DNER: variants seen among roughly 807,000 people sequenced by gnomAD.
DNER encodes delta/notch like EGF repeat containing.
A neutral mutation model predicts 78.2 loss-of-function variants in DNER; 33 were observed. The ratio of observed to expected loss-of-function variants is 0.42; its 90% CI spans 0.32 to 0.56. The LOEUF (loss-of-function observed/expected upper bound fraction) is 0.56. Ranked by LOEUF, DNER falls within the 20% of genes least tolerant of loss-of-function variation. The pLI is 0.11. For synonymous variants in DNER, 417 were observed against 384.8 expected (o/e 1.08, Z -0.98); for missense variants, 918 against 975.3 (o/e 0.94, Z 0.78).
chr2:229,682,398 C>G (rs562168624), intron 1 of DNER, among the ~76,000 whole-genome samples: 1 of 152,198 alleles, frequency 6.6e-6, no homozygotes, highest in African/African-American at 2.4e-5. Flanking sequence ...GTTTGCTTCT[C>G]AAACTGTAGC....
chr2:229,687,423 C>T (rs949596468), intron 1 of DNER, among the ~76,000 whole-genome samples: 2 of 152,036 alleles, frequency 1.3e-5, no homozygotes, highest in East Asian at 1.9e-4. Flanking sequence ...ACCACCACAC[C>T]CAGCTAATTT....
chr2:229,482,184 T>C (rs1163734819), intron 6 of DNER, among the ~76,000 whole-genome samples: 3 of 152,226 alleles, frequency 2.0e-5, no homozygotes, highest in African/African-American at 7.2e-5. Context: ...CAAGCATTCG[T>C]GAACCACCTG....
chr2:229,553,049 C>T (rs1428285827), intron 4 of DNER, among the ~76,000 whole-genome samples: 4 of 152,152 alleles, frequency 2.6e-5, no homozygotes, highest in African/African-American at 9.7e-5. Context: ...GCCATCGCAT[C>T]CTAGAGGTGA....
chr2:229,451,175 C>T (rs1694448736), intron 7 of DNER, among the ~76,000 whole-genome samples: 1 of 152,028 alleles, frequency 6.6e-6, no homozygotes, highest in Non-Finnish European at 1.5e-5. Flanking sequence ...ATAACAGCAA[C>T]AGGCCAGGCG....
chr2:229,599,026 G>A (rs193202810), intron 1 of DNER, among the ~76,000 whole-genome samples: 1 of 152,278 alleles, frequency 6.6e-6, no homozygotes, highest in Admixed American at 6.5e-5. Flanking sequence ...GGCATCCAGG[G>A]GGAATGGGAC....
intron 8 of DNER, among the ~76,000 whole-genome samples, chr2:229,419,046 G>A (rs1013511955): frequency 5.3e-5 from 8 of 152,138 alleles, no homozygotes; most frequent in African/African-American, 1.7e-4. Context: ...GATGAAATGT[G>A]AGGGTATTTT....
intron 2 of DNER, among the ~76,000 whole-genome samples, chr2:229,590,365 G>T (rs2154214595): frequency 6.6e-6 from 1 of 152,280 alleles, no homozygotes; most frequent in Middle Eastern, 3.4e-3. Context: ...TTTGTCAAAT[G>T]CATTCTAAAA....
At chr2:229,394,090 C>CATA (rs1460482273) in intron 10 of DNER, among the ~76,000 whole-genome samples, 2 of 152,152 alleles carry the variant, frequency 1.3e-5, no homozygotes, top group African/African-American at 4.8e-5. Context: ...ACACACACAT[C>CATA]ATAGTGCAGA....
intron 4 of DNER, among the ~76,000 whole-genome samples, chr2:229,565,130 A>G (rs150238316): frequency 6.6e-6 from 1 of 152,270 alleles, no homozygotes; most frequent in African/African-American, 2.4e-5. Flanking sequence ...TAAACACTCA[A>G]TGTACGGCAG....
intron 6 of DNER, among the ~76,000 whole-genome samples, chr2:229,506,507 T>C (rs1353723686): frequency 3.8e-5 from 5 of 130,894 alleles, no homozygotes; most frequent in South Asian, 2.8e-4. Context: ...AAAAATGCTA[T>C]GGCCTTTTTT....
intron 11 of DNER, among the ~76,000 whole-genome samples, chr2:229,385,152 A>G (rs1233174772): frequency 3.3e-5 from 5 of 151,918 alleles, no homozygotes; most frequent in African/African-American, 1.2e-4. Context: ...CTTCATCCCT[A>G]GGATGCAAGG....
intron 7 of DNER, among the ~76,000 whole-genome samples, chr2:229,472,210 T>C (rs1049835867): frequency 1.3e-5 from 2 of 152,202 alleles, no homozygotes; most frequent in Admixed American, 6.5e-5. Flanking sequence ...TTAAAATGCA[T>C]TGGATAAAAT....
At chr2:229,421,037 C>T (rs1410636333) in intron 8 of DNER, among the ~76,000 whole-genome samples, 2 of 152,046 alleles carry the variant, frequency 1.3e-5, no homozygotes, top group South Asian at 2.1e-4. Flanking sequence ...GACAGAAGAA[C>T]GGACAGGTCA....
intron 1 of DNER, among the ~76,000 whole-genome samples, chr2:229,608,944 C>T (rs114239487): frequency 0.014 from 2,137 of 152,206 alleles, 42 homozygotes; most frequent in Middle Eastern, 0.048. Flanking sequence ...TGATCTTGGT[C>T]GGGCACAGTG....
chr2:229,423,690 G>T (rs967311860), intron 8 of DNER, among the ~76,000 whole-genome samples: 1 of 149,956 alleles, frequency 6.7e-6, no homozygotes, highest in African/African-American at 2.4e-5. Flanking sequence ...ATTGTACCAA[G>T]AATTATTTAT....
chr2:229,636,237 C>T (rs141235147), intron 1 of DNER, among the ~76,000 whole-genome samples: 286 of 152,326 alleles, frequency 1.9e-3, no homozygotes, highest in Non-Finnish European at 3.0e-3. Context: ...GCACAGTTCT[C>T]CTCACATCCA....
chr2:229,567,365 G>A (rs1209025411), intron 4 of DNER, among the ~76,000 whole-genome samples: 1 of 152,186 alleles, frequency 6.6e-6, no homozygotes, highest in Non-Finnish European at 1.5e-5. Flanking sequence ...CTAGTGCACA[G>A]TAGGCACTCA....
At chr2:229,548,352 T>G (rs1318935677) in intron 4 of DNER, among the ~76,000 whole-genome samples, 1 of 152,166 alleles carries the variant, frequency 6.6e-6, no homozygotes, top group African/African-American at 2.4e-5. Context: ...CAAATGTCCA[T>G]CAATGATAGA....
In DNER at chr2:229,616,174, T is replaced by C. The variant is rs572412903; in HGVS notation, c.277-24286A>G. Among the ~76,000 whole-genome samples, 4 of 152,298 alleles carry C rather than the reference T, an allele frequency of 2.6e-5. No homozygotes were observed. In the South Asian group the frequency reaches 8.3e-4, roughly 32 times the overall value. ...CTCATAGGTGACCATGCTCATGAAG[T>C]TTCTCTGGAGTGTGCCCACTGATGC... On this transcript the variant is annotated intron_variant, in intron 1 of 12. Transcript: ENST00000341772.
Sources: allele counts gnomAD v4.1 joint callset (sites outside exome capture counted in the v4.1 genomes callset), GRCh38; gene constraint gnomAD v4.1.1; transcripts MANE v1.5; gene names NCBI Gene and HGNC (gene_info 2026-07-23, HGNC 2026-07-21).